Variants in FHIT observed in about 807,000 individuals in gnomAD.
The protein encoded by FHIT is bis(5'-adenosyl)-triphosphatase.
FHIT carries 19 observed loss-of-function variants against 17.9 expected under a neutral mutation model. The observed-to-expected ratio is 1.06, with a 90% confidence interval of 0.74 to 1.56. FHIT has a LOEUF of 1.56. FHIT is among the 40% of genes most tolerant of loss of function. The pLI is 0.00. For missense variants in FHIT, 248 were observed against 189.2 expected (o/e 1.31, Z -1.82); for synonymous variants, 81 against 69.7 (o/e 1.16, Z -0.81).
intron 3 of FHIT, among the ~76,000 whole-genome samples, chr3:60,947,965 T>G (rs1274548237): frequency 2.6e-5 from 4 of 152,194 alleles, no homozygotes; most frequent in African/African-American, 4.8e-5. Context: ...AAAATACTCT[T>G]TAGCCCATAG....
At chr3:61,205,175 TA>T in intron 1 of FHIT, among the ~76,000 whole-genome samples, 1 of 152,244 alleles carries the variant, frequency 6.6e-6, no homozygotes, top group East Asian at 1.9e-4. Context: ...GGCTGCATAG[TA>T]TTCCATGGTG....
chr3:60,833,315 C>A (rs868976998), intron 3 of FHIT, among the ~76,000 whole-genome samples: 3 of 152,116 alleles, frequency 2.0e-5, no homozygotes, highest in Admixed American at 6.5e-5. Flanking sequence ...CCAGGCTATG[C>A]GGATTGGGCA....
intron 5 of FHIT, among the ~76,000 whole-genome samples, chr3:60,534,727 T>G (rs1015884631): frequency 6.6e-6 from 1 of 152,146 alleles, no homozygotes; most frequent in African/African-American, 2.4e-5. Context: ...TAATAAAATA[T>G]TCTCCGAGCC....
intron 5 of FHIT, among the ~76,000 whole-genome samples, chr3:60,281,776 T>A (rs568716537): frequency 2.4e-4 from 37 of 152,304 alleles, no homozygotes; most frequent in Admixed American, 6.5e-4. Flanking sequence ...TTTGGCAATT[T>A]GTTTATAGAT....
At chr3:61,173,953 A>T (rs944302865) in intron 2 of FHIT, among the ~76,000 whole-genome samples, 17 of 152,314 alleles carry the variant, frequency 1.1e-4, no homozygotes, top group African/African-American at 4.1e-4. Context: ...AGATTACTTT[A>T]TTTAAGTGAA....
At chr3:60,543,875 G>A (rs111665629) in intron 4 of FHIT, among the ~76,000 whole-genome samples, 1,535 of 137,522 alleles carry the variant, frequency 0.011, 28 homozygotes, top group African/African-American at 0.039. Flanking sequence ...CTCCAGAGTA[G>A]CTGGGACTAC....
chr3:61,149,941 T>G (rs2037337105), intron 2 of FHIT, among the ~76,000 whole-genome samples: 1 of 152,192 alleles, frequency 6.6e-6, no homozygotes, highest in Admixed American at 6.5e-5. Context: ...AGGGCTATCC[T>G]GAGCAAACTC....
intron 5 of FHIT, among the ~76,000 whole-genome samples, chr3:60,202,295 G>A (rs529404759): frequency 6.6e-6 from 1 of 152,346 alleles, no homozygotes; most frequent in Non-Finnish European, 1.5e-5. Flanking sequence ...TTCTCAGTCT[G>A]AAGTCAATGG....
chr3:59,892,725 T>C (rs1453915190), intron 8 of FHIT, among the ~76,000 whole-genome samples: 1 of 152,134 alleles, frequency 6.6e-6, no homozygotes, highest in Non-Finnish European at 1.5e-5. Context: ...TTGTATGTCA[T>C]AAAAATATAA....
intron 5 of FHIT, among the ~76,000 whole-genome samples, chr3:60,325,683 A>T (rs1709658886): frequency 6.6e-6 from 1 of 152,226 alleles, no homozygotes; most frequent in African/African-American, 2.4e-5. Flanking sequence ...CATTTCAAAC[A>T]TCATAAACCA....
At chr3:60,243,419 T>C (rs139612158) in intron 5 of FHIT, among the ~76,000 whole-genome samples, 1 of 152,096 alleles carries the variant, frequency 6.6e-6, no homozygotes, top group African/African-American at 2.4e-5. Flanking sequence ...GACAAATTAG[T>C]ATTGTCAAGA....
intron 5 of FHIT, among the ~76,000 whole-genome samples, chr3:60,109,008 A>C (rs577647099): frequency 6.0e-4 from 91 of 152,176 alleles, no homozygotes; most frequent in South Asian, 4.1e-3. Flanking sequence ...TTAATCTGGT[A>C]ATTTTCTTTT....
At chr3:60,576,223 T>C (rs567139211) in intron 4 of FHIT, among the ~76,000 whole-genome samples, 2 of 105,200 alleles carry the variant, frequency 1.9e-5, no homozygotes, top group African/African-American at 3.4e-5. Flanking sequence ...AAGAATATGA[T>C]TGGTAAAATT....
At chr3:60,063,234 G>A (rs1322965693) in intron 5 of FHIT, among the ~76,000 whole-genome samples, 3 of 152,118 alleles carry the variant, frequency 2.0e-5, no homozygotes, top group Non-Finnish European at 4.4e-5. Flanking sequence ...TGAGCAACAA[G>A]GTCCCGACTG....
intron 5 of FHIT, among the ~76,000 whole-genome samples, chr3:60,363,547 C>G (rs1016355169): frequency 6.6e-6 from 1 of 152,154 alleles, no homozygotes; most frequent in African/African-American, 2.4e-5. Flanking sequence ...GTGAGTAAAC[C>G]TGGAGATGTG....
intron 3 of FHIT, among the ~76,000 whole-genome samples, chr3:60,988,755 C>T (rs778505037): frequency 6.6e-6 from 1 of 152,048 alleles, no homozygotes; most frequent in Non-Finnish European, 1.5e-5. Context: ...CTGAATCTCT[C>T]AGCATTTTGC....
chr3:61,005,697 G>A (rs1034161642), intron 3 of FHIT, among the ~76,000 whole-genome samples: 4 of 151,996 alleles, frequency 2.6e-5, no homozygotes, highest in South Asian at 2.1e-4. Flanking sequence ...TATGAATTTC[G>A]GTTTCCCTGT....
intron 5 of FHIT, among the ~76,000 whole-genome samples, chr3:60,101,156 C>T (rs533681760): frequency 6.6e-6 from 1 of 152,214 alleles, no homozygotes; most frequent in African/African-American, 2.4e-5. Flanking sequence ...TATACAGCCG[C>T]CAGAAGGGCT....
chr3:60,135,055 G>A (rs971472307), intron 5 of FHIT, among the ~76,000 whole-genome samples: 2 of 152,122 alleles, frequency 1.3e-5, no homozygotes, highest in Non-Finnish European at 2.9e-5. Context: ...AGCTGAGAAT[G>A]GAGGAGGAAT....
Sources: gnomAD v4.1 joint callset for allele counts (sites outside exome capture counted in the v4.1 genomes callset) on GRCh38, gnomAD v4.1.1 for gene constraint, MANE v1.5 for transcripts, NCBI Gene and HGNC (gene_info 2026-07-23, HGNC 2026-07-21) for gene names.